NAV2: variants seen among roughly 807,000 people sequenced by gnomAD.
NAV2 encodes neuron navigator 2.
In NAV2, 54 loss-of-function variants were observed where a neutral mutation model predicts 223.2. That is an observed-to-expected ratio of 0.24 (90% CI 0.19 to 0.30). The LOEUF is 0.30. Among genes scored for constraint, NAV2 ranks in the 10% least tolerant of loss-of-function variants. The pLI, the probability that NAV2 is intolerant of heterozygous loss-of-function variation, is 1.00. For missense variants in NAV2, 2,806 were observed against 3,147.5 expected, an observed-to-expected ratio of 0.89 and a Z score of 2.60; for synonymous variants, 1,279 against 1,239.3, an observed-to-expected ratio of 1.03 and a Z score of -0.67.
chr11:20,092,984 C>G (rs2060966354), intron 28 of NAV2, 115 bp from the exon 29 acceptor site: 2 of 330,170 alleles, frequency 6.1e-6, no homozygotes, highest in African/African-American at 4.4e-5. Flanking sequence ...CCCCCCCACC[C>G]CCTGCACCCT....
At chr11:19,580,003 T>A (rs1024144989) in intron 1 of NAV2, among the ~76,000 whole-genome samples, 1 of 152,214 alleles carries the variant, frequency 6.6e-6, no homozygotes, top group Non-Finnish European at 1.5e-5. Context: ...AAACCTCCAA[T>A]TGGACAATTG....
At chr11:19,383,292 A>G (rs1848914269) in intron 1 of NAV2, among the ~76,000 whole-genome samples, 1 of 152,122 alleles carries the variant, frequency 6.6e-6, no homozygotes, top group South Asian at 2.1e-4. Flanking sequence ...CCTCCTCCCA[A>G]ATAACCTCAT....
chr11:20,097,452 C>A, intron 30 of NAV2, 125 bp from the exon 31 acceptor site: 1 of 789,182 alleles, frequency 1.3e-6, no homozygotes, highest in Non-Finnish European at 1.9e-6. Context: ...CATCCCACAG[C>A]TCAATTTCAA....
intron 1 of NAV2, among the ~76,000 whole-genome samples, chr11:19,490,771 G>A (rs2042598784): frequency 6.6e-6 from 1 of 152,240 alleles, no homozygotes; most frequent in Non-Finnish European, 1.5e-5. Context: ...ATCTAGAATA[G>A]TGAAATTTTC....
intron 4 of NAV2, among the ~76,000 whole-genome samples, chr11:19,870,014 C>G (rs2062374522): frequency 1.3e-5 from 2 of 152,168 alleles, no homozygotes; most frequent in South Asian, 2.1e-4. Context: ...TAAATGACCA[C>G]TATTAATGCC....
At chr11:20,027,911 A>C (rs1331770535) in intron 11 of NAV2, among the ~76,000 whole-genome samples, 1 of 152,224 alleles carries the variant, frequency 6.6e-6, no homozygotes, top group Non-Finnish European at 1.5e-5. Context: ...AAATCTGTTT[A>C]ATCATCCCTG....
At chr11:19,725,576 G>C (rs549029384) in intron 1 of NAV2, among the ~76,000 whole-genome samples, 107 of 152,336 alleles carry the variant, frequency 7.0e-4, no homozygotes, top group Non-Finnish European at 1.2e-3. Context: ...AATCCCGACT[G>C]CCTGGTGGAC....
chr11:19,754,894 C>T (rs2054116472), intron 1 of NAV2, among the ~76,000 whole-genome samples: 1 of 152,126 alleles, frequency 6.6e-6, no homozygotes, highest in Non-Finnish European at 1.5e-5. Flanking sequence ...GTTGCTGTCT[C>T]CTTCCCTCGC....
intron 8 of NAV2, among the ~76,000 whole-genome samples, chr11:19,940,877 AG>A (rs1194588862): frequency 6.6e-6 from 1 of 152,140 alleles, no homozygotes; most frequent in African/African-American, 2.4e-5. Context: ...CTTCTCTTCA[AG>A]GTTTGTATCT....
At chr11:19,755,457 A>G (rs765929199) in intron 1 of NAV2, among the ~76,000 whole-genome samples, 10 of 152,364 alleles carry the variant, frequency 6.6e-5, no homozygotes, top group Non-Finnish European at 8.8e-5. Context: ...AGAAAATACC[A>G]TGAACTGGTG....
At chr11:19,618,404 G>GTATGTATGTATGAATGAATA (rs1253231516) in intron 1 of NAV2, among the ~76,000 whole-genome samples, 72 of 37,082 alleles carry the variant, frequency 1.9e-3, no homozygotes, top group African/African-American at 3.2e-3. Context: ...ATGAATAGAT[G>GTATGTATGTATGAATGAATA]GATGGATGGA....
rs570163717 is a variant in NAV2, at chr11:19,667,666, A to G, written c.76-164818A>G. Among the ~76,000 whole-genome samples the G allele has an allele frequency of 2.0e-5, 3 of 152,324 alleles. No individual in the cohort carries two copies. The South Asian group carries it at 6.2e-4, about 32-fold the overall frequency. ...ATAAGTGATAGAATGAGACAAGTCA[A>G]TGCATAATCTCTGAGGAACTGGAGA... On this transcript the variant is annotated intron_variant, in intron 1 of 37. Coordinates refer to the NAV2 transcript ENST00000360655.
Position 19,726,248 on chromosome 11 carries a change from G to A in NAV2, c.267+12286G>A, listed in dbSNP as rs575583879. 5.9e-5 allele frequency among the ~76,000 whole-genome samples: 9 copies of A among 152,256 alleles called. No homozygotes were observed. In the East Asian group the frequency reaches 7.7e-4, roughly 13 times the overall value. ...CTGAAACAGCATTGGAAAGAGAGGC[G>A]TGTCAGACTAAAAAAGGAGGGGCTG... On this transcript the variant is annotated intron_variant, in intron 1 of 37. Transcript: ENST00000349880.
chr11:19,356,328 G>A (rs1428124762), intron 1 of NAV2, among the ~76,000 whole-genome samples: 1 of 152,184 alleles, frequency 6.6e-6, no homozygotes, highest in South Asian at 2.1e-4. Context: ...TCTCAATGAA[G>A]AGAATGTGAG....
chr11:19,555,101 A>G (rs1366194425), intron 1 of NAV2, among the ~76,000 whole-genome samples: 5 of 152,036 alleles, frequency 3.3e-5, no homozygotes, highest in Non-Finnish European at 5.9e-5. Flanking sequence ...ATATGTGACT[A>G]TCTTAGATTG....
At chr11:20,005,215 A>G (rs1366652769) in intron 11 of NAV2, among the ~76,000 whole-genome samples, 1 of 150,024 alleles carries the variant, frequency 6.7e-6, no homozygotes, top group Non-Finnish European at 1.5e-5. Flanking sequence ...TTTCAATCCC[A>G]AGTGATTCTG....
At chr11:19,484,127 A>AACACACAC (rs58138697) in intron 1 of NAV2, among the ~76,000 whole-genome samples, 76,728 of 144,576 alleles carry the variant, frequency 0.53, 21,782 homozygotes, top group Non-Finnish European at 0.66. Flanking sequence ...ACTGATCACA[A>AACACACAC]ACACACACAC....
chr11:19,809,458 T>G (rs1266038832), intron 1 of NAV2, among the ~76,000 whole-genome samples: 2 of 152,228 alleles, frequency 1.3e-5, no homozygotes, highest in Non-Finnish European at 2.9e-5. Flanking sequence ...AAGACTAGAT[T>G]TAATTTTACA....
chr11:19,736,375 G>C (rs1039241628), intron 1 of NAV2, among the ~76,000 whole-genome samples: 2 of 152,132 alleles, frequency 1.3e-5, no homozygotes, highest in Admixed American at 6.5e-5. Flanking sequence ...AGGACTGGTG[G>C]GCCAGACACA....
Sources: gnomAD v4.1 joint callset for allele counts (sites outside exome capture counted in the v4.1 genomes callset) on GRCh38, gnomAD v4.1.1 for gene constraint, MANE v1.5 for transcripts, NCBI Gene and HGNC (gene_info 2026-07-23, HGNC 2026-07-21) for gene names.